The following KCNJ6 variants were observed in gnomAD, a reference collection of about 807,000 sequenced individuals.
The protein encoded by KCNJ6 is G protein-activated inward rectifier potassium channel 2.
KCNJ6 carries 9 observed loss-of-function variants against 34.2 expected under a neutral mutation model. The observed-to-expected ratio is 0.26, with a 90% CI of 0.16 to 0.46. The LOEUF (loss-of-function observed/expected upper bound fraction) is 0.46, where lower values mean the gene tolerates loss of function less well. Among genes scored for constraint, KCNJ6 ranks in the 20% least tolerant of loss-of-function variants. The pLI is 1.00. For synonymous variants in KCNJ6, 196 were observed against 207.1 expected (o/e 0.95, Z 0.46); for missense variants, 236 against 531.3 (o/e 0.44, Z 5.46).
intron 2 of KCNJ6, among the ~76,000 whole-genome samples, chr21:37,797,270 C>T (rs1050124210): frequency 1.2e-4 from 18 of 152,082 alleles, no homozygotes; most frequent in African/African-American, 4.1e-4. Context: ...AGGCTGGTTT[C>T]CAACTCCTGA....
At chr21:37,750,129 A>T (rs1055042426) in intron 2 of KCNJ6, among the ~76,000 whole-genome samples, 2 of 152,230 alleles carry the variant, frequency 1.3e-5, no homozygotes, top group African/African-American at 4.8e-5. Flanking sequence ...TATGAAAAAA[A>T]GCTCATCATC....
Position 37,627,943 on chromosome 21 carries a change from TA to T in KCNJ6, c.947-2460del, listed in dbSNP as rs2054318446. Among the ~76,000 whole-genome samples the T allele has an allele frequency of 3.9e-5, 6 of 152,304 alleles. No individual in the cohort carries two copies. In the South Asian group the frequency reaches 1.2e-3, roughly 32 times the overall value. On this transcript the variant is annotated intron_variant, in intron 3 of 3. Coordinates refer to ENST00000609713, the MANE Select transcript of KCNJ6 (RefSeq NM_002240.5). ...TCTAATTATTAGCTGATCACTAAAT[TA>T]ACTGAGCAGAGACTTTAGTGGCCAT...
At chr21:37,844,907 T>C (rs1025850031) in intron 1 of KCNJ6, among the ~76,000 whole-genome samples, 1 of 152,196 alleles carries the variant, frequency 6.6e-6, no homozygotes, top group African/African-American at 2.4e-5. Context: ...CCCATCTCAA[T>C]AGCCTCATCT....
At chr21:37,706,537 A>G (rs754074890) in intron 3 of KCNJ6, among the ~76,000 whole-genome samples, 79 of 152,230 alleles carry the variant, frequency 5.2e-4, no homozygotes, top group Non-Finnish European at 1.6e-4. Flanking sequence ...TTCAGTCTGC[A>G]TCTTGGAGAA....
At chr21:37,735,649 C>A (rs1343424807) in intron 2 of KCNJ6, among the ~76,000 whole-genome samples, 1 of 152,182 alleles carries the variant, frequency 6.6e-6, no homozygotes, top group South Asian at 2.1e-4. Flanking sequence ...TGTGTATGGG[C>A]TGTGGGAGGA....
intron 2 of KCNJ6, among the ~76,000 whole-genome samples, chr21:37,758,831 G>A (rs2055045293): frequency 6.6e-6 from 1 of 152,118 alleles, no homozygotes; most frequent in African/African-American, 2.4e-5. Flanking sequence ...AGAGCTTGCT[G>A]TGTTTCCCAG....
At chr21:37,885,469 A>T (rs1033299003) in intron 1 of KCNJ6, among the ~76,000 whole-genome samples, 3 of 152,214 alleles carry the variant, frequency 2.0e-5, no homozygotes, top group Non-Finnish European at 4.4e-5. Context: ...TTCCCAATGA[A>T]TTGACTTTAA....
intron 2 of KCNJ6, among the ~76,000 whole-genome samples, chr21:37,799,114 T>C (rs1052450833): frequency 2.0e-5 from 3 of 152,172 alleles, no homozygotes; most frequent in Non-Finnish European, 4.4e-5. Flanking sequence ...GCCATTCCCC[T>C]CTACATGTCC....
intron 2 of KCNJ6, among the ~76,000 whole-genome samples, chr21:37,776,407 G>A (rs2055142312): frequency 6.6e-6 from 1 of 152,020 alleles, no homozygotes; most frequent in Non-Finnish European, 1.5e-5. Context: ...GGGGAAAGAG[G>A]GCATCCCTGT....
intron 3 of KCNJ6, among the ~76,000 whole-genome samples, chr21:37,685,680 C>CA (rs371388696): frequency 0.014 from 241 of 17,334 alleles, 3 homozygotes; most frequent in Middle Eastern, 0.042. Context: ...GACTCTGTCT[C>CA]CAAAAAAAAA....
chr21:37,913,282 C>T (rs2055875606), intron 1 of KCNJ6, among the ~76,000 whole-genome samples: 1 of 152,188 alleles, frequency 6.6e-6, no homozygotes, highest in Non-Finnish European at 1.5e-5. Flanking sequence ...TAAATCCTCC[C>T]CTCCTGCAGT....
chr21:37,653,852 G>A (rs927644844), intron 3 of KCNJ6, among the ~76,000 whole-genome samples: 42 of 152,326 alleles, frequency 2.8e-4, no homozygotes, highest in African/African-American at 1.0e-3. Context: ...TCCACAGAAA[G>A]TTAGAGATGC....
chr21:37,760,816 G>C (rs1037821846), intron 2 of KCNJ6, among the ~76,000 whole-genome samples: 5 of 152,178 alleles, frequency 3.3e-5, no homozygotes, highest in African/African-American at 1.2e-4. Flanking sequence ...GTCTCACCTG[G>C]GCTGGGAATG....
chr21:37,802,986 GTTT>G (rs1232133362), intron 2 of KCNJ6, among the ~76,000 whole-genome samples: 1 of 152,158 alleles, frequency 6.6e-6, no homozygotes, highest in Non-Finnish European at 1.5e-5. Context: ...CTCCTGACCT[GTTT>G]TACCCACCAG....
intron 3 of KCNJ6, among the ~76,000 whole-genome samples, chr21:37,670,618 AGCT>A (rs1207338419): frequency 6.6e-6 from 1 of 152,210 alleles, no homozygotes; most frequent in Non-Finnish European, 1.5e-5. Flanking sequence ...TACAAAAGTT[AGCT>A]GGGCATGGTG....
intron 1 of KCNJ6, among the ~76,000 whole-genome samples, chr21:37,842,340 T>C (rs928650216): frequency 2.0e-5 from 3 of 152,204 alleles, no homozygotes; most frequent in Non-Finnish European, 4.4e-5. Flanking sequence ...GGCTAACACT[T>C]GAAATGATGT....
chr21:37,900,937 T>G (rs535162510), intron 1 of KCNJ6, among the ~76,000 whole-genome samples: 10 of 152,310 alleles, frequency 6.6e-5, no homozygotes, highest in African/African-American at 2.4e-4. Flanking sequence ...TGATCCAATT[T>G]TAGTTATAAA....
intron 1 of KCNJ6, among the ~76,000 whole-genome samples, chr21:37,907,206 T>C (rs565520738): frequency 6.6e-6 from 1 of 152,306 alleles, no homozygotes; most frequent in Non-Finnish European, 1.5e-5. Flanking sequence ...AGCTTTTCCA[T>C]GAGCAGTGAG....
chr21:37,759,643 G>A (rs1031541459), intron 2 of KCNJ6, among the ~76,000 whole-genome samples: 8 of 152,132 alleles, frequency 5.3e-5, no homozygotes, highest in African/African-American at 1.9e-4. Flanking sequence ...TAGCACTGTT[G>A]GTCTTCTCCA....
Sources: gnomAD v4.1 joint callset for allele counts (sites outside exome capture counted in the v4.1 genomes callset) on GRCh38, gnomAD v4.1.1 for gene constraint, MANE v1.5 for transcripts, NCBI Gene and HGNC (gene_info 2026-07-23, HGNC 2026-07-21) for gene names.